Variants in KCNK9 observed in about 807,000 individuals in gnomAD.
The protein encoded by KCNK9 is potassium two pore domain channel subfamily K member 9.
A neutral mutation model predicts 10.8 loss-of-function variants in KCNK9; 1 was observed. That is an observed-to-expected ratio of 0.09 (90% confidence interval 0.03 to 0.44). KCNK9 has a LOEUF of 0.44. Ranked by LOEUF, KCNK9 falls within the 20% of genes least tolerant of loss-of-function variation. The pLI is 0.97. For synonymous variants in KCNK9, 231 were observed against 222.7 expected (o/e 1.04, Z -0.33); for missense variants, 303 against 515.0 (o/e 0.59, Z 3.98).
intron 1 of KCNK9, among the ~76,000 whole-genome samples, chr8:139,637,029 G>A (rs548307007): frequency 5.9e-5 from 9 of 152,328 alleles, no homozygotes; most frequent in African/African-American, 2.2e-4. Context: ...ACAAGAGGCT[G>A]ACCAAAAGAC....
At chr8:139,662,255 G>A (rs1816172866) in intron 1 of KCNK9, among the ~76,000 whole-genome samples, 1 of 152,122 alleles carries the variant, frequency 6.6e-6, no homozygotes, top group African/African-American at 2.4e-5. Context: ...CTGGGAGGCT[G>A]GGGTCCTTCC....
chr8:139,610,546 T>A (rs1814389836), downstream of KCNK9, among the ~76,000 whole-genome samples: 1 of 152,188 alleles, frequency 6.6e-6, no homozygotes, highest in South Asian at 2.1e-4. Context: ...TCCAGAAAGA[T>A]CCCCATATGC....
chr8:139,700,695 C>T (rs1219093018), intron 1 of KCNK9, among the ~76,000 whole-genome samples: 1 of 152,124 alleles, frequency 6.6e-6, no homozygotes, highest in African/African-American at 2.4e-5. Context: ...GAGGCGAAGC[C>T]GACACCCTCC....
At chr8:139,700,228 G>GGCCACAC (rs2129820747) in intron 1 of KCNK9, among the ~76,000 whole-genome samples, 1 of 152,262 alleles carries the variant, frequency 6.6e-6, no homozygotes, top group Admixed American at 6.5e-5. Context: ...ACTAAGTGCC[G>GGCCACAC]GCCACACTGT....
chr8:139,667,051 C>CG (rs1697299788), intron 1 of KCNK9, among the ~76,000 whole-genome samples: 1 of 152,256 alleles, frequency 6.6e-6, no homozygotes, highest in Non-Finnish European at 1.5e-5. Context: ...AGGGCTCCCA[C>CG]AGGGCTTGGT....
At chr8:139,647,917 C>T (rs1586661624) in intron 1 of KCNK9, among the ~76,000 whole-genome samples, 1 of 152,128 alleles carries the variant, frequency 6.6e-6, no homozygotes, top group African/African-American at 2.4e-5. Flanking sequence ...TGCCACATGA[C>T]CCAGCAATCC....
chr8:139,613,660 G>T (rs1027195572), downstream of KCNK9, among the ~76,000 whole-genome samples: 1 of 152,226 alleles, frequency 6.6e-6, no homozygotes, highest in African/African-American at 2.4e-5. Flanking sequence ...AAGCTGTCTC[G>T]TTGTGTTGAT....
At chr8:139,700,181 C>T (rs1370193369) in intron 1 of KCNK9, among the ~76,000 whole-genome samples, 1 of 152,196 alleles carries the variant, frequency 6.6e-6, no homozygotes, top group Non-Finnish European at 1.5e-5. Context: ...AGCGGAGGCT[C>T]GATCAGGCTT....
Position 139,618,158 on chromosome 8 carries a change from CAATAAT to C in KCNK9, c.*94_*99del, listed in dbSNP as rs1000617376. ...GAAGGAGAGAAAGTAATAATGATGA[CAATAAT>C]AATAATAAATAAATAAGAAAAGACG... is the stretch of plus-strand genomic sequence containing the variant. On this transcript the variant is annotated 3_prime_UTR_variant, in exon 2 of 2. Coordinates refer to ENST00000520439, the MANE Select transcript of KCNK9 (RefSeq NM_001282534.2). This position sits in a 1 kb window ranked among gnomAD's most constrained non-coding sequence, Gnocchi z 7.9. The C allele has an allele frequency of 9.7e-6, 14 of 1,448,972 alleles. No homozygotes were observed. In the African/African-American group the frequency reaches 1.0e-4, roughly 10 times the overall value. 89.8% of individuals were successfully genotyped at this position (1,448,972 alleles called of 1,614,324 possible).
At chr8:139,696,858 T>G (rs1586699452) in intron 1 of KCNK9, among the ~76,000 whole-genome samples, 1 of 135,236 alleles carries the variant, frequency 7.4e-6, no homozygotes, top group Non-Finnish European at 1.6e-5. Context: ...AGTGGGTGGG[T>G]GGGTAGGTAG....
Position 139,638,101 on chromosome 8 carries a change from G to A in KCNK9, c.284-19002C>T, listed in dbSNP as rs116988162. Reference sequence around the variant, plus strand: ...GTATGTTAGACCACATCCCCATACCGTTAGCTGGAATCTCTCTAACAAGCA... The same window carrying A: ...GTATGTTAGACCACATCCCCATACCATTAGCTGGAATCTCTCTAACAAGCA... On this transcript the variant is annotated intron_variant, in intron 1 of 1. Transcript: ENST00000520439. Among the ~76,000 whole-genome samples, 14 of 151,910 alleles carry A rather than the reference G, an allele frequency of 9.2e-5. No homozygotes were observed. In the East Asian group the frequency reaches 1.4e-3, roughly 15 times the overall value.
chr8:139,624,568 G>A (rs1320647270), intron 1 of KCNK9, among the ~76,000 whole-genome samples: 2 of 152,154 alleles, frequency 1.3e-5, no homozygotes, highest in African/African-American at 4.8e-5. Context: ...AGGTGGTAGT[G>A]CCCAGGACCA....
At chr8:139,601,949 G>A (rs1217477635) in intron 2 of KCNK9, 6 of 152,200 alleles carry the variant, frequency 3.9e-5, no homozygotes, top group Admixed American at 3.9e-4. Context: ...ACGTCATAGT[G>A]GCTTGAAGGT....
intron 1 of KCNK9, among the ~76,000 whole-genome samples, chr8:139,623,129 C>T (rs920778253): frequency 6.6e-6 from 1 of 152,086 alleles, no homozygotes; most frequent in Non-Finnish European, 1.5e-5. Context: ...GTAGAAGATA[C>T]AATAAAGAAC....
At chr8:139,606,842 T>C (rs1814233576) in intron 2 of KCNK9, among the ~76,000 whole-genome samples, 1 of 152,188 alleles carries the variant, frequency 6.6e-6, no homozygotes, top group South Asian at 2.1e-4. Context: ...GTTAATCTGT[T>C]TTCTTATTTA....
intron 1 of KCNK9, among the ~76,000 whole-genome samples, chr8:139,658,120 C>T (rs1816066158): frequency 1.3e-5 from 2 of 152,172 alleles, no homozygotes; most frequent in Admixed American, 6.5e-5. Context: ...GGCAAAGACC[C>T]TTGTCTTCAA....
intron 1 of KCNK9, among the ~76,000 whole-genome samples, chr8:139,641,119 C>T (rs1033224166): frequency 2.0e-5 from 3 of 152,232 alleles, no homozygotes; most frequent in Non-Finnish European, 4.4e-5. Flanking sequence ...CTCTCCATCC[C>T]TGAGGCTCTG....
At chr8:139,658,886 A>G (rs2542478) in intron 1 of KCNK9, among the ~76,000 whole-genome samples, 7,342 of 152,322 alleles carry the variant, frequency 0.048, 379 homozygotes, top group African/African-American at 0.13. Flanking sequence ...CACCTGCCTC[A>G]GGCACTGTCC....
At position 139,640,346 on chromosome 8, in the gene KCNK9, G is replaced by A. The variant is rs560988011; in HGVS notation, c.284-21247C>T. Among the ~76,000 whole-genome samples, 8 of 152,268 alleles carry A rather than the reference G, an allele frequency of 5.3e-5. No individual in the cohort carries two copies. In the South Asian group the frequency reaches 1.2e-3, roughly 24 times the overall value. On this transcript the variant is annotated intron_variant, in intron 1 of 1. Transcript: ENST00000520439. ...CCAAAATACCTCCTGAGCCCCTGAC[G>A]CACTGTACATCTCCCATTCCAAGGA... is the stretch of plus-strand genomic sequence containing the variant.
Sources: gnomAD v4.1 joint callset for allele counts (sites outside exome capture counted in the v4.1 genomes callset) on GRCh38, gnomAD v4.1.1 for gene constraint, Gnocchi (gnomAD v3.1) non-coding constraint, MANE v1.5 for transcripts, NCBI Gene and HGNC (gene_info 2026-07-23, HGNC 2026-07-21) for gene names.